The following CHL1 variants were observed in gnomAD, a reference collection of about 807,000 sequenced individuals.
CHL1 encodes neural cell adhesion molecule L1-like protein.
In CHL1, 96 loss-of-function variants were observed where a neutral mutation model predicts 141.9. The observed-to-expected ratio is 0.68, with a 90% CI of 0.57 to 0.80. CHL1 has a LOEUF of 0.80. Ranked by LOEUF, CHL1 falls within the 30% of genes least tolerant of loss-of-function variation. The pLI, the probability that CHL1 is intolerant of heterozygous loss-of-function variation, is 0.00. For synonymous variants in CHL1, 613 were observed against 502.2 expected, an observed-to-expected ratio of 1.22 and a Z score of -2.95; for missense variants, 1,820 against 1,457.2, an observed-to-expected ratio of 1.25 and a Z score of -4.05.
At chr3:220,123 T>C (rs1700700785) in intron 1 of CHL1, among the ~76,000 whole-genome samples, 2 of 152,180 alleles carry the variant, frequency 1.3e-5, no homozygotes, top group African/African-American at 4.8e-5. Context: ...ATTGAAGGGA[T>C]AGCAATAGAA....
intron 5 of CHL1, among the ~76,000 whole-genome samples, chr3:335,944 A>G (rs188269089): frequency 6.6e-6 from 1 of 152,336 alleles, no homozygotes; most frequent in East Asian, 1.9e-4. Flanking sequence ...GATGTATTGA[A>G]TAATTTTTAA....
intron 2 of CHL1, among the ~76,000 whole-genome samples, chr3:280,527 A>G (rs528952623): frequency 8.9e-4 from 136 of 152,322 alleles, no homozygotes; most frequent in African/African-American, 3.1e-3. Context: ...AAACAATTTT[A>G]TTACTGGTAA....
At chr3:399,212 A>G in intron 26 of CHL1, 64 bp downstream of exon 26, 1 of 1,396,124 alleles carries the variant, frequency 7.2e-7, no homozygotes, top group Non-Finnish European at 1.0e-6. Context: ...AGCATTCTTC[A>G]GAGACAACTT....
intron 1 of CHL1, among the ~76,000 whole-genome samples, chr3:220,833 T>G (rs551430104): frequency 6.6e-6 from 1 of 152,346 alleles, no homozygotes; most frequent in Admixed American, 6.5e-5. Context: ...TAACCTCCTT[T>G]TAGAGGAGGA....
At chr3:312,225 A>T (rs959534226) in intron 2 of CHL1, among the ~76,000 whole-genome samples, 1 of 152,220 alleles carries the variant, frequency 6.6e-6, no homozygotes, top group Non-Finnish European at 1.5e-5. Context: ...CAATTTGCTT[A>T]TAATAACATC....
At chr3:371,488 T>A (rs1481475235) in intron 15 of CHL1, among the ~76,000 whole-genome samples, 2 of 152,146 alleles carry the variant, frequency 1.3e-5, no homozygotes, top group Admixed American at 1.3e-4. Context: ...TTATTTTGAA[T>A]CTATGTGTGT....
chr3:231,362 T>C (rs2125041896), intron 1 of CHL1, among the ~76,000 whole-genome samples: 1 of 152,246 alleles, frequency 6.6e-6, no homozygotes, highest in East Asian at 1.9e-4. Flanking sequence ...GCCACTTTTC[T>C]CTCTTCCCCT....
rs551185619 is a variant in CHL1 at position 360,741 on chromosome 3, C to T, written c.1306+317C>T. Among the ~76,000 whole-genome samples the T allele has an allele frequency of 1.3e-4, 16 of 124,634 alleles. No homozygotes were observed. In the East Asian group the frequency reaches 3.7e-3, roughly 29 times the overall value. The allele number at this position is 124,634 out of a possible 152,430, so 81.8% of individuals were successfully genotyped here. On this transcript the variant is annotated intron_variant, in intron 12 of 27. Coordinates refer to ENST00000256509, the MANE Select transcript of CHL1 (RefSeq NM_006614.4). The stretch of plus-strand genomic sequence containing the variant: ...ATCTCCCGATGCTATCCCGCCCCCC[C>T]TCCCCCCACCCCACAACAGTCCCCA...
chr3:250,400 G>T (rs1185994224), intron 2 of CHL1, among the ~76,000 whole-genome samples: 1 of 152,152 alleles, frequency 6.6e-6, no homozygotes, highest in East Asian at 1.9e-4. Context: ...AAGGAAAAGA[G>T]ATTTAGGCTT....
At chr3:246,308 G>A (rs568464218) in intron 2 of CHL1, among the ~76,000 whole-genome samples, 11 of 151,914 alleles carry the variant, frequency 7.2e-5, no homozygotes, top group Non-Finnish European at 1.5e-4. Context: ...ATGGTAACCC[G>A]CAAAACACCC....
Position 389,442 on chromosome 3 carries a change from C to G in CHL1, c.2438C>G (p.Pro813Arg). 6.2e-7 allele frequency: 1 copy of G among 1,614,132 alleles called. No homozygotes were observed. Among genetic ancestry groups the G allele is most frequent in the Middle Eastern group, 1.7e-4 (1 of 6,058 alleles). The part of the protein sequence containing the change: ...AINQLGSGPD[P>R]QSVTLYSGED... ...AATCAACTAGGATCTGGGCCTGACCCTCAGTCAGTGACTCTCTATTCTGGA... is the reference window on the plus strand; with the variant it reads ...AATCAACTAGGATCTGGGCCTGACCGTCAGTCAGTGACTCTCTATTCTGGA... The change falls in exon 20 of 28, where the codon CCT becomes CGT. Residue 813 changes from proline (P) to arginine (R), a missense_variant. Physicochemically the swap from Pro to Arg is moderately radical, Grantham distance 103. Transcript: ENST00000256509.
At chr3:263,655 G>C (rs1028871443) in intron 2 of CHL1, among the ~76,000 whole-genome samples, 2 of 152,268 alleles carry the variant, frequency 1.3e-5, no homozygotes, top group East Asian at 1.9e-4. Context: ...AATTGATGTA[G>C]AGTGACTTTT....
chr3:396,646 T>C (rs1708695054), intron 24 of CHL1, among the ~76,000 whole-genome samples: 1 of 152,122 alleles, frequency 6.6e-6, no homozygotes, highest in Non-Finnish European at 1.5e-5. Context: ...TTAAAGAACA[T>C]TTCTTCACTG....
intron 1 of CHL1, among the ~76,000 whole-genome samples, chr3:239,709 G>A (rs1442259436): frequency 6.6e-6 from 1 of 151,768 alleles, no homozygotes; most frequent in Non-Finnish European, 1.5e-5. Flanking sequence ...CATTACCCAA[G>A]CAGTATACAA....
intron 1 of CHL1, among the ~76,000 whole-genome samples, chr3:206,220 C>T (rs1012237231): frequency 6.6e-6 from 1 of 152,176 alleles, no homozygotes; most frequent in African/African-American, 2.4e-5. Context: ...GTAATCCCAG[C>T]ACTTTGGGAG....
intron 5 of CHL1, among the ~76,000 whole-genome samples, chr3:337,185 GTTTTTGTTTT>G (rs1032541986): frequency 1.2e-5 from 1 of 81,118 alleles, no homozygotes; most frequent in Non-Finnish European, 2.4e-5. Context: ...ACATTCTTTT[GTTTTTGTTTT>G]TTTTTTTTTT....
At chr3:349,922 G>T (rs1463762885) in intron 10 of CHL1, among the ~76,000 whole-genome samples, 1 of 151,390 alleles carries the variant, frequency 6.6e-6, no homozygotes, top group Non-Finnish European at 1.5e-5. Flanking sequence ...AAATGAGCCT[G>T]GAAGAAAGCT....
intron 1 of CHL1, among the ~76,000 whole-genome samples, chr3:225,712 G>A (rs377618360): frequency 6.6e-6 from 1 of 152,042 alleles, no homozygotes; most frequent in African/African-American, 2.4e-5. Context: ...GCGAGGAACA[G>A]TTAAGAATAG....
At chr3:342,325 G>A (rs1489601853) in intron 7 of CHL1, among the ~76,000 whole-genome samples, 1 of 152,178 alleles carries the variant, frequency 6.6e-6, no homozygotes, top group East Asian at 1.9e-4. Context: ...GACATCTGCA[G>A]GATCTTGTCA....
Sources: gnomAD v4.1 joint callset for allele counts (sites outside exome capture counted in the v4.1 genomes callset) on GRCh38, gnomAD v4.1.1 for gene constraint, MANE v1.5 for transcripts, NCBI Gene and HGNC (gene_info 2026-07-23, HGNC 2026-07-21) for gene names.